SRC: variants seen among roughly 807,000 people sequenced by gnomAD.
The protein encoded by SRC is proto-oncogene tyrosine-protein kinase Src.
A neutral mutation model predicts 62.9 loss-of-function variants in SRC; 13 were observed. The observed-to-expected ratio is 0.21, with a 90% CI of 0.13 to 0.33. The LOEUF is 0.33. Ranked by LOEUF, SRC falls within the 10% of genes least tolerant of loss-of-function variation. SRC has a pLI of 1.00. For missense variants in SRC, 457 were observed against 737.3 expected, an observed-to-expected ratio of 0.62 and a Z score of 4.40; for synonymous variants, 302 against 317.5, an observed-to-expected ratio of 0.95 and a Z score of 0.52.
intron 1 of SRC, among the ~76,000 whole-genome samples, chr20:37,361,909 C>T (rs1042836372): frequency 3.2e-5 from 3 of 93,100 alleles, no homozygotes; most frequent in African/African-American, 5.2e-5. Context: ...GTAGAGATGC[C>T]GGGGTCTCTG....
rs2070641706 is a variant in SRC, at chr20:37,396,102, G to C, written c.554-60G>C. 1 of 1,587,638 alleles carries C rather than the reference G, an allele frequency of 6.3e-7. No individual in the cohort carries two copies. Among genetic ancestry groups the C allele is most frequent in the Non-Finnish European group, 8.5e-7 (1 of 1,170,162 alleles). ...TCAGGCAGGCACAGAACGGTGTCCAGAGCAGCGGCCTGCGGGGGGAGAGGG... is the reference window on the plus strand; with the variant it reads ...TCAGGCAGGCACAGAACGGTGTCCACAGCAGCGGCCTGCGGGGGGAGAGGG... On this transcript the variant is annotated intron_variant, in intron 7 of 13. Transcript: ENST00000373578. The surrounding 1 kb of genome is among the most constrained non-coding windows in gnomAD (Gnocchi z 6.1).
At chr20:37,357,753 T>C (rs1429945615) in intron 1 of SRC, among the ~76,000 whole-genome samples, 2 of 152,088 alleles carry the variant, frequency 1.3e-5, no homozygotes, top group Non-Finnish European at 2.9e-5. Flanking sequence ...GCTGGGTGTA[T>C]CAAGAAACAG....
chr20:37,371,900 A>G (rs1181517192), intron 2 of SRC, among the ~76,000 whole-genome samples: 4 of 151,896 alleles, frequency 2.6e-5, no homozygotes, highest in Non-Finnish European at 5.9e-5. Context: ...ATGGGGTTTC[A>G]CCATGTTGGC....
intron 2 of SRC, among the ~76,000 whole-genome samples, chr20:37,368,426 C>T (rs1007124754): frequency 5.5e-5 from 8 of 145,838 alleles, no homozygotes; most frequent in African/African-American, 2.0e-4. Flanking sequence ...TCAAAACAAA[C>T]AGACAAATAA....
intron 1 of SRC, among the ~76,000 whole-genome samples, chr20:37,352,170 G>A (rs1177437667): frequency 6.6e-6 from 1 of 152,256 alleles, no homozygotes; most frequent in Non-Finnish European, 1.5e-5. Context: ...TGTGAAATGG[G>A]GATGACGAGG....
intron 1 of SRC, among the ~76,000 whole-genome samples, chr20:37,356,730 C>T (rs888437479): frequency 1.3e-5 from 2 of 152,140 alleles, no homozygotes; most frequent in East Asian, 1.9e-4. Flanking sequence ...AGCTCCCCGA[C>T]GTGGGTGAAG....
At chr20:37,377,376 C>G (rs6090579) in intron 2 of SRC, among the ~76,000 whole-genome samples, 328 of 152,340 alleles carry the variant, frequency 2.2e-3, no homozygotes, top group African/African-American at 7.4e-3. Flanking sequence ...GGACTCGAAC[C>G]CAGGTTTGAC....
intron 10 of SRC, among the ~76,000 whole-genome samples, chr20:37,401,315 T>C (rs1056984144): frequency 2.8e-4 from 42 of 152,134 alleles, no homozygotes; most frequent in African/African-American, 9.2e-4. Context: ...AGATGCATCC[T>C]TGTTGCATCT....
At chr20:37,352,581 C>T (rs2069821564) in intron 1 of SRC, among the ~76,000 whole-genome samples, 1 of 152,208 alleles carries the variant, frequency 6.6e-6, no homozygotes, top group African/African-American at 2.4e-5. Context: ...CCCTCCTCCG[C>T]CTCACTGAAT....
intron 1 of SRC, among the ~76,000 whole-genome samples, chr20:37,355,433 C>T (rs1027177539): frequency 3.3e-5 from 5 of 152,166 alleles, no homozygotes; most frequent in Non-Finnish European, 5.9e-5. Context: ...CTGTGGGCAT[C>T]GCGGGCAAAA....
intron 7 of SRC, among the ~76,000 whole-genome samples, chr20:37,394,846 T>A (rs2070614865): frequency 6.6e-6 from 1 of 152,106 alleles, no homozygotes; most frequent in Non-Finnish European, 1.5e-5. Context: ...AGAGCATCCA[T>A]GTCGAGCCGT....
At chr20:37,382,930 T>C (rs1021444574) in intron 3 of SRC, 144 bp downstream of exon 3, 1 of 152,204 alleles carries the variant, frequency 6.6e-6, no homozygotes, top group Non-Finnish European at 1.5e-5. Context: ...GGGGGAGTTT[T>C]CAACTTGGTT....
rs113324725 is a variant in SRC, at chr20:37,392,202, C to T, written c.351-1693C>T. On this transcript the variant is annotated intron_variant, in intron 5 of 13. Transcript: ENST00000373578. ...ACAGAGCCAAGACAGGCCACACAGC[C>T]CCAGTCACACCCCCTTGCCTCACTC... 8.7e-3 allele frequency among the ~76,000 whole-genome samples: 1,331 copies of T among 152,270 alleles called. 9 individuals carry two copies. Among genetic ancestry groups the T allele is most frequent in the Non-Finnish European group, 0.014 (923 of 68,010 alleles).
chr20:37,398,158 A>C lies in SRC; in HGVS notation c.859+304A>C, dbSNP rs2070686346. Among the ~76,000 whole-genome samples, 1 of 152,158 alleles carries C rather than the reference A, an allele frequency of 6.6e-6. No individual in the cohort carries two copies. Among genetic ancestry groups the C allele is most frequent in the Non-Finnish European group, 1.5e-5 (1 of 68,022 alleles). ...AGAGCCTCAGTCTTCCCGACTGTGAATGGGGCTGGTGACAGTGGGACCTAT... is the reference window on the plus strand; with the variant it reads ...AGAGCCTCAGTCTTCCCGACTGTGACTGGGGCTGGTGACAGTGGGACCTAT... On this transcript the variant is annotated intron_variant, in intron 9 of 13. Coordinates refer to ENST00000373578, the MANE Select transcript of SRC (RefSeq NM_198291.3). The surrounding 1 kb of genome is among the most constrained non-coding windows in gnomAD (Gnocchi z 5.2).
intron 2 of SRC, among the ~76,000 whole-genome samples, chr20:37,368,534 T>TG (rs1568625233): frequency 1.7e-4 from 21 of 120,376 alleles, no homozygotes; most frequent in African/African-American, 7.0e-4. Context: ...TTTTTTTTTT[T>TG]TTTTTTTTTG....
chr20:37,386,033 C>A, intron 4 of SRC, 42 bp from the exon 5 acceptor site: 1 of 1,525,716 alleles, frequency 6.6e-7, no homozygotes. Flanking sequence ...CCTTCCCTGG[C>A]TGTGGCCCCA....
chr20:37,363,027 C>T (rs576853259), intron 1 of SRC, among the ~76,000 whole-genome samples: 1 of 152,330 alleles, frequency 6.6e-6, no homozygotes, highest in African/African-American at 2.4e-5. Context: ...ACTCCCCACC[C>T]TCTCTTCACA....
intron 2 of SRC, among the ~76,000 whole-genome samples, chr20:37,370,550 G>A (rs1203712532): frequency 6.6e-6 from 1 of 152,204 alleles, no homozygotes; most frequent in African/African-American, 2.4e-5. Flanking sequence ...ACTCCAGCCT[G>A]GGTGACAGAG....
chr20:37,384,640 A>T lies in SRC; in HGVS notation c.250+237A>T, dbSNP rs75720032. Reference sequence around the variant, plus strand: ...GCGCAAAAGACACGGGGTGTGGTTAATGGGTTCTAATTGGACGCTTAAGCC... The same window carrying T: ...GCGCAAAAGACACGGGGTGTGGTTATTGGGTTCTAATTGGACGCTTAAGCC... On this transcript the variant is annotated intron_variant, in intron 4 of 13. Coordinates refer to ENST00000373578, the MANE Select transcript of SRC (RefSeq NM_198291.3). The surrounding 1 kb of genome is among the most constrained non-coding windows in gnomAD (Gnocchi z 6.7). 1 allele frequency among the ~76,000 whole-genome samples: 151,711 copies of T among 151,740 alleles called. 75,841 individuals carry two copies. Among genetic ancestry groups the T allele is most frequent in the Middle Eastern group, 1 (288 of 288 alleles).
Sources: gnomAD v4.1 joint callset for allele counts (sites outside exome capture counted in the v4.1 genomes callset) on GRCh38, gnomAD v4.1.1 for gene constraint, Gnocchi (gnomAD v3.1) non-coding constraint, MANE v1.5 for transcripts, NCBI Gene and HGNC (gene_info 2026-07-23, HGNC 2026-07-21) for gene names.